The following CYLC1 variants were observed in gnomAD, a reference collection of about 807,000 sequenced individuals.
CYLC1 encodes the protein cylicin-1.
A neutral mutation model predicts 31.6 loss-of-function variants in CYLC1; 2 were observed. The ratio of observed to expected loss-of-function variants is 0.06; its 90% CI spans 0.03 to 0.20. CYLC1 has a LOEUF of 0.20. Ranked by LOEUF, CYLC1 falls within the 10% of genes least tolerant of loss-of-function variation. The pLI, the probability that CYLC1 is intolerant of heterozygous loss-of-function variation, is 1.00. For missense variants in CYLC1, 595 were observed against 424.1 expected (o/e 1.40, Z -3.54); for synonymous variants, 185 against 153.0 (o/e 1.21, Z -1.54).
intron 1 of CYLC1, among the ~76,000 whole-genome samples, chrX:83,866,935 G>A (rs1273931979): frequency 2.7e-5 from 3 of 110,991 alleles, no homozygotes; most frequent in Non-Finnish European, 5.7e-5. Flanking sequence ...TTTACTATAG[G>A]CAGCAAGAAG....
Position 83,873,626 on chromosome X carries a change from T to C in CYLC1, c.918T>C (p.Ala306=). 3 of 1,191,948 alleles carry C rather than the reference T, an allele frequency of 2.5e-6. No individual in the cohort carries two copies. The highest frequency in any genetic ancestry group is 3.4e-6 in the Non-Finnish European group (3 of 887,244). ...CTGAATCTGAAGACTCAAAGGATGC[T>C]AAGAAAGATTCAAAGAAAGTTAAGA... is the stretch of plus-strand genomic sequence containing the variant. ...SDAESEDSKD[A]KKDSKKVKKN... The change falls in exon 4 of 5, where the codon GCT becomes GCC. Residue 306 remains alanine, a synonymous_variant. Transcript: ENST00000329312.
At chrX:83,861,692 C>T (rs1474033143) in intron 1 of CYLC1, among the ~76,000 whole-genome samples, 1 of 111,555 alleles carries the variant, frequency 9.0e-6, no homozygotes, top group Non-Finnish European at 1.9e-5. Flanking sequence ...AAGTATTATT[C>T]ATATGGAATT....
At chrX:83,879,195 CAA>C (rs1233524005) in intron 4 of CYLC1, among the ~76,000 whole-genome samples, 1 of 109,951 alleles carries the variant, frequency 9.1e-6, no homozygotes, top group African/African-American at 3.3e-5. Flanking sequence ...ACAACAGAAA[CAA>C]TATAAAATAC....
intron 4 of CYLC1, among the ~76,000 whole-genome samples, chrX:83,876,947 A>G (rs1245730543): frequency 9.0e-6 from 1 of 110,989 alleles, no homozygotes; most frequent in African/African-American, 3.3e-5. Flanking sequence ...TAATATCTCC[A>G]GTTATGACCT....
At chrX:83,880,578 A>G (rs866437165) in intron 4 of CYLC1, among the ~76,000 whole-genome samples, 44 of 111,769 alleles carry the variant, frequency 3.9e-4, no homozygotes, top group African/African-American at 1.3e-3. Flanking sequence ...ACTTTTCCCC[A>G]AAAGTATCTT....
chrX:83,884,804 A>G (rs762402569), intron 4 of CYLC1, among the ~76,000 whole-genome samples: 1 of 110,941 alleles, frequency 9.0e-6, no homozygotes, highest in South Asian at 3.8e-4. Context: ...GCCCAAGCAT[A>G]GAGACTCCTT....
Position 83,882,301 on chromosome X carries a change from T to C in CYLC1, c.1924-4251T>C, listed in dbSNP as rs751790204. Among the ~76,000 whole-genome samples, 5 of 111,295 alleles carry C rather than the reference T, an allele frequency of 4.5e-5. No homozygotes were observed. The South Asian group carries it at 1.9e-3, about 42-fold the overall frequency. ...TCTTCTCTCTAATTGAGTCCTACAT[T>C]TGTTTTTAATATATTTGCCAATTAC... is the stretch of plus-strand genomic sequence containing the variant. On this transcript the variant is annotated intron_variant, in intron 4 of 4. Coordinates refer to ENST00000329312, the MANE Select transcript of CYLC1 (RefSeq NM_021118.3).
intron 1 of CYLC1, among the ~76,000 whole-genome samples, chrX:83,867,988 G>A (rs1664672142): frequency 9.0e-6 from 1 of 111,016 alleles, no homozygotes; most frequent in East Asian, 2.8e-4. Flanking sequence ...TTGATTATCA[G>A]GAAATAAAGT....
rs144123051 is a variant in CYLC1, at chrX:83,874,183, T to C, written c.1475T>C (p.Leu492Ser). 4.7e-4 allele frequency: 567 copies of C among 1,202,272 alleles called. 3 individuals are homozygous for C. In the African/African-American group the frequency reaches 9.2e-3, roughly 20 times the overall value. Residue 492 changes from leucine (L) to serine (S), a missense_variant, in exon 4 of 5, where the codon TTA becomes TCA. By Grantham distance (145) the Leu-to-Ser change is moderately radical. Transcript: ENST00000329312. ...ACTGAAATGGAATCTGATTTGGAGT[T>C]AAAGAAGGACAAGAAACACTCAAAG... ...ESTEMESDLE[L>S]KKDKKHSKEK...
chrX:83,878,290 AAT>A (rs1245181269), intron 4 of CYLC1, among the ~76,000 whole-genome samples: 8 of 413 alleles, frequency 0.019, no homozygotes, highest in African/African-American at 0.04. Context: ...TAAATATATA[AAT>A]ATATATATAT....
chrX:83,871,359 A>C, intron 2 of CYLC1, 93 bp from the exon 3 acceptor site: 1 of 582,643 alleles, frequency 1.7e-6, no homozygotes, highest in Non-Finnish European at 2.6e-6. Flanking sequence ...AACTTAGTTT[A>C]ATTTAAATAA....
At chrX:83,867,955 C>CT (rs2031613569) in intron 1 of CYLC1, among the ~76,000 whole-genome samples, 2 of 110,892 alleles carry the variant, frequency 1.8e-5, no homozygotes, top group South Asian at 7.4e-4. Flanking sequence ...AATTTCTTGT[C>CT]TAAGTTTGAG....
Position 83,874,091 on chromosome X carries a change from AAAG to A in CYLC1, c.1387_1389del (p.Lys463del). 8.3e-7 allele frequency: 1 copy of A among 1,204,799 alleles called. No individual in the cohort carries two copies. Among genetic ancestry groups the A allele is most frequent in the Non-Finnish European group, 1.1e-6 (1 of 891,968 alleles). Reference sequence around the variant, plus strand: ...ATTCAAAAAAGGGTAAAAAGGATGAAAAGAAGGGGAAGAAAGATTCAAAGAAAG... The same window carrying A: ...ATTCAAAAAAGGGTAAAAAGGATGAAAAGGGGAAGAAAGATTCAAAGAAAG... On this transcript the variant is annotated inframe_deletion, in exon 4 of 5. Transcript: ENST00000329312.
intron 1 of CYLC1, among the ~76,000 whole-genome samples, chrX:83,866,190 G>A (rs2031590108): frequency 9.0e-6 from 1 of 111,349 alleles, no homozygotes; most frequent in Admixed American, 9.6e-5. Flanking sequence ...CACATTTTCT[G>A]CTCCAAAAAT....
chrX:83,861,813 C>T (rs1216353720), intron 1 of CYLC1, among the ~76,000 whole-genome samples: 1 of 110,844 alleles, frequency 9.0e-6, no homozygotes, highest in African/African-American at 3.3e-5. Flanking sequence ...ATAATGTAAG[C>T]CATGCTAACT....
At chrX:83,883,077 A>T in intron 4 of CYLC1, among the ~76,000 whole-genome samples, 1 of 111,405 alleles carries the variant, frequency 9.0e-6, no homozygotes. Flanking sequence ...TACTACTATT[A>T]CTGCCTTATG....
chrX:83,879,646 C>A (rs2031881914), intron 4 of CYLC1, among the ~76,000 whole-genome samples: 1 of 110,239 alleles, frequency 9.1e-6, no homozygotes, highest in South Asian at 3.8e-4. Context: ...TTTCTCCTTT[C>A]TAGGTAACAC....
intron 2 of CYLC1, among the ~76,000 whole-genome samples, chrX:83,870,659 A>C: frequency 9.0e-6 from 1 of 111,605 alleles, no homozygotes; most frequent in Admixed American, 9.5e-5. Context: ...CATAAGTGTT[A>C]GTGGTTGCAG....
intron 1 of CYLC1, among the ~76,000 whole-genome samples, chrX:83,864,198 A>G (rs908147169): frequency 2.7e-5 from 3 of 112,101 alleles, no homozygotes; most frequent in Non-Finnish European, 5.6e-5. Context: ...AATTCCAAAT[A>G]AAGTAATATT....
Sources: gnomAD v4.1 joint callset for allele counts (sites outside exome capture counted in the v4.1 genomes callset) on GRCh38, gnomAD v4.1.1 for gene constraint, MANE v1.5 for transcripts, NCBI Gene and HGNC (gene_info 2026-07-23, HGNC 2026-07-21) for gene names.